SERF2: variants seen among roughly 807,000 people sequenced by gnomAD.
SERF2 encodes gastric cancer-related protein VRG107.
In SERF2, 4 loss-of-function variants were observed where a neutral mutation model predicts 10.7. The observed-to-expected ratio is 0.37, with a 90% CI of 0.18 to 0.86. SERF2 has a LOEUF of 0.86. Among genes scored for constraint, SERF2 ranks in the 40% least tolerant of loss-of-function variants. The pLI, the probability that SERF2 is intolerant of heterozygous loss-of-function variation, is 0.43. For missense variants in SERF2, 47 were observed against 79.1 expected (o/e 0.59, Z 1.54); for synonymous variants, 26 against 26.0 (o/e 1.00, Z 0.01).
rs181235842 is a variant in SERF2 at position 43,795,636 on chromosome 15, T to G, written c.*1863T>G. On this transcript the variant is annotated 3_prime_UTR_variant, in exon 3 of 3. Transcript: ENST00000249786. ...TTGTTAAGGCTCTTGAGGGTTCTTATGGCACTCCACAGAGATCTACCACTT... is the reference window on the plus strand; with the variant it reads ...TTGTTAAGGCTCTTGAGGGTTCTTAGGGCACTCCACAGAGATCTACCACTT... The G allele has an allele frequency of 1.2e-6, 2 of 1,610,770 alleles. No homozygotes were observed. The highest frequency in any genetic ancestry group is 2.7e-5 in the African/African-American group (2 of 74,790).
At chr15:43,777,964 A>T (rs1190902795) in intron 1 of SERF2, 1 of 126,036 alleles carries the variant, frequency 7.9e-6, no homozygotes, top group Non-Finnish European at 1.7e-5. Context: ...AAAAAAATAC[A>T]TTTTTTTTTT....
chr15:43,791,016 C>A (rs1596037779), upstream of SERF2, among the ~76,000 whole-genome samples: 1 of 151,732 alleles, frequency 6.6e-6, no homozygotes, highest in Admixed American at 6.6e-5. Flanking sequence ...GATCCACCCG[C>A]CTCTGCCTCC....
At chr15:43,787,201 G>A (rs1389303099) in intron 2 of SERF2, among the ~76,000 whole-genome samples, 1 of 151,764 alleles carries the variant, frequency 6.6e-6, no homozygotes, top group Non-Finnish European at 1.5e-5. Context: ...GGGTTTCACC[G>A]TGTTAGCCAG....
chr15:43,785,600 A>T (rs1443711034), intron 2 of SERF2: 2 of 151,650 alleles, frequency 1.3e-5, no homozygotes, highest in African/African-American at 4.8e-5. Context: ...TTGTTGTTCA[A>T]TACCCTCTCT....
intron 1 of SERF2, among the ~76,000 whole-genome samples, chr15:43,780,688 C>T (rs1420700890): frequency 6.6e-6 from 1 of 152,098 alleles, no homozygotes; most frequent in African/African-American, 2.4e-5. Flanking sequence ...GTTCCAAGGC[C>T]CTCAGTGGAT....
At chr15:43,778,770 C>T (rs921668689) in intron 1 of SERF2, among the ~76,000 whole-genome samples, 8 of 150,604 alleles carry the variant, frequency 5.3e-5, no homozygotes, top group East Asian at 2.0e-4. Context: ...GGTGTGGTGG[C>T]GCACACCTGT....
At chr15:43,777,324 G>C in exon 1 of SERF2, 1 of 344,992 alleles carries the variant, frequency 2.9e-6, no homozygotes, top group South Asian at 2.2e-5. Flanking sequence ...TTCAGCCGCA[G>C]AGGGGCGGGA....
At chr15:43,790,897 G>A (rs2087051487), upstream of SERF2, among the ~76,000 whole-genome samples, 1 of 151,020 alleles carries the variant, frequency 6.6e-6, no homozygotes, top group Non-Finnish European at 1.5e-5. Flanking sequence ...TCAAGTAGCT[G>A]GGACTACAGG....
rs2087185511 is a variant in SERF2, at chr15:43,795,367, C to T, written c.*1594C>T. The T allele has an allele frequency of 1.9e-6, 3 of 1,613,850 alleles. No individual in the cohort carries two copies. The highest frequency in any genetic ancestry group is 2.5e-6 in the Non-Finnish European group (3 of 1,179,792). On this transcript the variant is annotated 3_prime_UTR_variant, in exon 3 of 3. Transcript: ENST00000249786. Reference sequence around the variant, plus strand: ...AATAGCTAGCTCTTCAGGAGAGTATCTAAGGCCCACTCCATCTTACCTGAA... The same window carrying T: ...AATAGCTAGCTCTTCAGGAGAGTATTTAAGGCCCACTCCATCTTACCTGAA...
intron 1 of SERF2, chr15:43,792,625 C>A: frequency 7.0e-7 from 1 of 1,426,680 alleles, no homozygotes; most frequent in East Asian, 2.5e-5. Context: ...AGGAGAAGGC[C>A]AGCGCCCCTG....
chr15:43,783,393 G>A (rs1330940942), intron 1 of SERF2, among the ~76,000 whole-genome samples: 1 of 151,884 alleles, frequency 6.6e-6, no homozygotes, highest in Admixed American at 6.6e-5. Context: ...TGCCTTCTGG[G>A]TTCAAGCAAT....
upstream of SERF2, among the ~76,000 whole-genome samples, chr15:43,788,966 G>T (rs184173660): frequency 6.6e-5 from 10 of 152,156 alleles, no homozygotes; most frequent in Admixed American, 3.9e-4. Flanking sequence ...TGGCTAACAC[G>T]GTGTAACCCC....
At chr15:43,779,990 T>A (rs1032046336) in intron 1 of SERF2, among the ~76,000 whole-genome samples, 3 of 152,214 alleles carry the variant, frequency 2.0e-5, no homozygotes, top group African/African-American at 7.2e-5. Context: ...TTTGTAATTA[T>A]AATTGATATT....
intron 1 of SERF2, among the ~76,000 whole-genome samples, chr15:43,780,567 G>T (rs569597841): frequency 3.3e-5 from 5 of 151,990 alleles, no homozygotes; most frequent in Admixed American, 3.3e-4. Flanking sequence ...AACAATTCCC[G>T]ATTTCCCCCT....
chr15:43,792,513 C>T (rs2087086136), intron 1 of SERF2, 130 bp downstream of exon 1: 1 of 1,550,538 alleles, frequency 6.4e-7, no homozygotes, highest in African/African-American at 1.4e-5. Flanking sequence ...CTGTGGCCAC[C>T]CTCACACTCG....
chr15:43,794,866 T>A lies in SERF2; in HGVS notation c.*1093T>A. The A allele has an allele frequency of 1.4e-6, 1 of 695,746 alleles. No homozygotes were observed. Among genetic ancestry groups the A allele is most frequent in the Non-Finnish European group, 2.5e-6 (1 of 407,246 alleles). The allele number at this position is 695,746 out of a possible 1,614,324, so 43.1% of individuals were successfully genotyped here. A position where few individuals can be genotyped will look rare whatever the true frequency, so the allele number is the denominator to read the frequency against. On this transcript the variant is annotated 3_prime_UTR_variant, in exon 3 of 3. Transcript: ENST00000249786. ...GACTGTGTTTGACCACTTCTTCCAG[T>A]TCATAGTATTGACTTCAGCCCAAAC...
Position 43,795,832 on chromosome 15 carries a change from A to G in SERF2, c.*2059A>G. 3.9e-6 allele frequency: 5 copies of G among 1,294,336 alleles called. No homozygotes were observed. Among genetic ancestry groups the G allele is most frequent in the Non-Finnish European group, 5.4e-6 (5 of 931,430 alleles). The allele number at this position is 1,294,336 out of a possible 1,614,324, so 80.2% of individuals were successfully genotyped here. ...CGTGAAAAGATTGGTCTAGTATTAA[A>G]AAGTGGAGGCACACCTGGGTTCAAA... is the stretch of plus-strand genomic sequence containing the variant. On this transcript the variant is annotated 3_prime_UTR_variant, in exon 3 of 3. Transcript: ENST00000249786.
At chr15:43,783,926 T>A (rs1292407517) in intron 1 of SERF2, among the ~76,000 whole-genome samples, 1 of 92,470 alleles carries the variant, frequency 1.1e-5, no homozygotes, top group Non-Finnish European at 2.2e-5. Flanking sequence ...CACGCCCAGC[T>A]ATTTTTTTTT....
chr15:43,790,908 C>T (rs1235640996), upstream of SERF2, among the ~76,000 whole-genome samples: 1 of 150,546 alleles, frequency 6.6e-6, no homozygotes, highest in East Asian at 2.0e-4. Context: ...GGACTACAGG[C>T]GCCTGCCACC....
Sources: allele counts gnomAD v4.1 joint callset (sites outside exome capture counted in the v4.1 genomes callset), GRCh38; gene constraint gnomAD v4.1.1; transcripts MANE v1.5; gene names NCBI Gene and HGNC (gene_info 2026-07-23, HGNC 2026-07-21).